Variants in KANK4 observed in about 807,000 individuals in gnomAD.
The protein encoded by KANK4 is KN motif and ankyrin repeat domains 4.
Under a neutral mutation model 80.8 loss-of-function variants are expected in KANK4, and 50 were observed. The ratio of observed to expected loss-of-function variants is 0.62; its 90% CI spans 0.49 to 0.78. The LOEUF is 0.78. KANK4 is among the 30% of genes least tolerant of loss of function. The probability of loss-of-function intolerance (pLI) is 0.00; values close to 1 mark genes in which losing one functional copy is unlikely to be tolerated. For synonymous variants in KANK4, 465 were observed against 506.9 expected (o/e 0.92, Z 1.11); for missense variants, 1,196 against 1,240.1 (o/e 0.96, Z 0.53).
At chr1:62,291,696 C>T (rs529384708) in intron 1 of KANK4, among the ~76,000 whole-genome samples, 42 of 152,292 alleles carry the variant, frequency 2.8e-4, no homozygotes, top group Admixed American at 1.4e-3. Flanking sequence ...CAACCTCCAC[C>T]TCCCGGGATC....
In KANK4 at chr1:62,257,245, G is replaced by A. The variant is rs1294977347; in HGVS notation, c.2540-4036C>T. 2.6e-5 allele frequency among the ~76,000 whole-genome samples: 4 copies of A among 152,124 alleles called. No individual in the cohort carries two copies. In the East Asian group the frequency reaches 7.8e-4, roughly 30 times the overall value. ...TGGGATTACAGGCATGCGCCACCAC[G>A]CCCGGCTCATTTTTGTATTTTTAGT... On this transcript the variant is annotated intron_variant, in intron 7 of 9. Coordinates refer to ENST00000371153, the MANE Select transcript of KANK4 (RefSeq NM_181712.5).
chr1:62,253,319 G>A, intron 7 of KANK4, 110 bp from the exon 8 acceptor site: 2 of 962,134 alleles, frequency 2.1e-6, no homozygotes, highest in Non-Finnish European at 2.9e-6. Context: ...CCATGGACTA[G>A]AGCAATGCTT....
intron 9 of KANK4, among the ~76,000 whole-genome samples, chr1:62,239,058 T>C (rs534218271): frequency 6.6e-6 from 1 of 151,928 alleles, no homozygotes; most frequent in East Asian, 1.9e-4. Context: ...GCAAATTTGT[T>C]GTTGGTTCTT....
intron 1 of KANK4, among the ~76,000 whole-genome samples, chr1:62,293,765 A>C (rs561377213): frequency 2.0e-4 from 30 of 152,346 alleles, no homozygotes; most frequent in African/African-American, 7.0e-4. Context: ...TTTTGGTATT[A>C]GTGCAGAAGA....
chr1:62,266,984 G>A (rs937766839), intron 5 of KANK4, among the ~76,000 whole-genome samples, 165 bp from the exon 6 acceptor site: 1 of 152,296 alleles, frequency 6.6e-6, no homozygotes, highest in African/African-American at 2.4e-5. Flanking sequence ...ACCATGGTGT[G>A]TGCCGATGTG....
intron 3 of KANK4, chr1:62,272,536 T>G (rs1334340178): frequency 6.6e-6 from 1 of 152,160 alleles, no homozygotes. Flanking sequence ...ACAATGCAAA[T>G]GAGAACAGCC....
chr1:62,281,465 G>T, intron 2 of KANK4, 84 bp downstream of exon 2: 1 of 1,532,318 alleles, frequency 6.5e-7, no homozygotes, highest in Non-Finnish European at 9.0e-7. Flanking sequence ...GCCTTTCCTA[G>T]GCTATTTCCA....
intron 9 of KANK4, among the ~76,000 whole-genome samples, chr1:62,240,625 C>T (rs544545540): frequency 6.6e-5 from 10 of 152,178 alleles, no homozygotes; most frequent in East Asian, 1.9e-4. Flanking sequence ...GACAAGATTG[C>T]GCCATTGCAC....
intron 4 of KANK4, among the ~76,000 whole-genome samples, chr1:62,270,080 C>A (rs1347502109): frequency 1.3e-5 from 2 of 152,202 alleles, no homozygotes; most frequent in Non-Finnish European, 2.9e-5. Flanking sequence ...AGGGAAACAG[C>A]AAGTGCCAGG....
At chr1:62,260,323 C>A (rs1357369261) in intron 7 of KANK4, among the ~76,000 whole-genome samples, 1 of 152,002 alleles carries the variant, frequency 6.6e-6, no homozygotes, top group Non-Finnish European at 1.5e-5. Context: ...TCTATCTCTT[C>A]CTTTTTCTCT....
intron 6 of KANK4, among the ~76,000 whole-genome samples, chr1:62,265,073 C>G (rs1350339779): frequency 2.0e-5 from 3 of 152,162 alleles, no homozygotes; most frequent in Admixed American, 2.0e-4. Flanking sequence ...TCAGGTGATC[C>G]GTCCATCTCG....
intron 9 of KANK4, among the ~76,000 whole-genome samples, chr1:62,238,867 T>C (rs1391460696): frequency 2.0e-5 from 3 of 152,112 alleles, no homozygotes; most frequent in Admixed American, 2.0e-4. Context: ...TGGGCTGAAG[T>C]GGTCCGCCCA....
At chr1:62,282,256 G>A (rs547282546) in intron 1 of KANK4, among the ~76,000 whole-genome samples, 64 of 152,268 alleles carry the variant, frequency 4.2e-4, no homozygotes, top group Non-Finnish European at 6.5e-4. Context: ...ATATTGCCCT[G>A]GCTCTGAATT....
chr1:62,247,410 G>T lies in KANK4; in HGVS notation c.2883+62C>A, dbSNP rs982382699. 6.1e-6 allele frequency: 9 copies of T among 1,476,440 alleles called. No individual in the cohort carries two copies. In the South Asian group the frequency reaches 9.1e-5, roughly 15 times the overall value. 91.5% of individuals were successfully genotyped at this position (1,476,440 alleles called of 1,614,324 possible). The stretch of plus-strand genomic sequence containing the variant: ...CCGCCTCAGCCTCCCAAAGTGCTGG[G>T]GTTACAGGTATGAGCCACCCTGCCC... On this transcript the variant is annotated intron_variant, in intron 9 of 9. Coordinates refer to ENST00000371153, the MANE Select transcript of KANK4 (RefSeq NM_181712.5).
intron 2 of KANK4, among the ~76,000 whole-genome samples, chr1:62,275,824 AAGAG>A (rs1167553281): frequency 7.0e-6 from 1 of 143,084 alleles, no homozygotes; most frequent in African/African-American, 2.5e-5. Context: ...TGAAGAAAGA[AAGAG>A]AGAAAGAGAG....
intron 1 of KANK4, among the ~76,000 whole-genome samples, chr1:62,291,053 A>C (rs11809181): frequency 0.044 from 6,687 of 152,090 alleles, 471 homozygotes; most frequent in African/African-American, 0.15. Flanking sequence ...CCTGGCCATT[A>C]CAATCTCTCT....
chr1:62,255,501 T>G (rs76547191), intron 7 of KANK4, among the ~76,000 whole-genome samples: 4,405 of 151,696 alleles, frequency 0.029, 203 homozygotes, highest in African/African-American at 0.1. Context: ...CTAAACCTCC[T>G]GGGTTCAAGC....
intron 7 of KANK4, 35 bp from the exon 8 acceptor site, chr1:62,253,244 T>C: frequency 6.4e-7 from 1 of 1,573,178 alleles, no homozygotes; most frequent in Non-Finnish European, 8.6e-7. Context: ...CAAAGGCTCC[T>C]GAGGGGCCAG....
chr1:62,296,819 C>T (rs1442614235), intron 1 of KANK4, among the ~76,000 whole-genome samples: 2 of 152,060 alleles, frequency 1.3e-5, no homozygotes, highest in African/African-American at 2.4e-5. Flanking sequence ...GGATTATAGG[C>T]GTGAGCCACC....
Sources: allele counts gnomAD v4.1 joint callset (sites outside exome capture counted in the v4.1 genomes callset), GRCh38; gene constraint gnomAD v4.1.1; transcripts MANE v1.5; gene names NCBI Gene and HGNC (gene_info 2026-07-23, HGNC 2026-07-21).